FBXL17: variants seen among roughly 807,000 people sequenced by gnomAD.
FBXL17 encodes F-box and leucine rich repeat protein 17.
FBXL17 carries 22 observed loss-of-function variants against 66.2 expected under a neutral mutation model. That is an observed-to-expected ratio of 0.33 (90% CI 0.24 to 0.47). The LOEUF (loss-of-function observed/expected upper bound fraction) is 0.47. Ranked by LOEUF, FBXL17 falls within the 20% of genes least tolerant of loss-of-function variation. The pLI is 1.00. For synonymous variants in FBXL17, 474 were observed against 400.5 expected (o/e 1.18, Z -2.19); for missense variants, 878 against 948.2 (o/e 0.93, Z 0.97).
intron 7 of FBXL17, among the ~76,000 whole-genome samples, chr5:107,963,296 GAC>G (rs2112632442): frequency 6.6e-6 from 1 of 152,152 alleles, no homozygotes; most frequent in South Asian, 2.1e-4. Context: ...TGATGAATAA[GAC>G]AGACATAGTC....
intron 7 of FBXL17, among the ~76,000 whole-genome samples, chr5:108,005,383 G>A (rs1002247177): frequency 1.3e-5 from 2 of 152,066 alleles, no homozygotes; most frequent in South Asian, 2.1e-4. Flanking sequence ...TCAATTTTAG[G>A]AGTATAATAA....
At chr5:108,002,946 G>A (rs1753791894) in intron 7 of FBXL17, among the ~76,000 whole-genome samples, 1 of 152,142 alleles carries the variant, frequency 6.6e-6, no homozygotes, top group Non-Finnish European at 1.5e-5. Context: ...GGATCTTAAT[G>A]GAGTGAAAGA....
In FBXL17 at chr5:107,893,203, A is replaced by G. The variant is rs139172863; in HGVS notation, c.1823-12024T>C. 6.8e-3 allele frequency among the ~76,000 whole-genome samples: 1,032 copies of G among 152,292 alleles called. 15 individuals are homozygous for G. The highest frequency in any genetic ancestry group is 0.022 in the African/African-American group (921 of 41,570). ...AGGGAGGGAAAGGAAAGACATTGAG[A>G]GAAAACAGTTGAGGTGCATAGAATA... On this transcript the variant is annotated intron_variant, in intron 7 of 8. Transcript: ENST00000542267.
intron 4 of FBXL17, among the ~76,000 whole-genome samples, chr5:108,314,669 G>C (rs1323454915): frequency 6.6e-6 from 1 of 151,232 alleles, no homozygotes; most frequent in Non-Finnish European, 1.5e-5. Context: ...AAAAATCAAA[G>C]TGTCTGAAAT....
At chr5:108,081,139 CAA>C (rs901629094) in intron 6 of FBXL17, among the ~76,000 whole-genome samples, 4 of 152,068 alleles carry the variant, frequency 2.6e-5, no homozygotes, top group Non-Finnish European at 5.9e-5. Flanking sequence ...CTTATTGCAA[CAA>C]AGAGTCAGTT....
rs76952106 is a variant in FBXL17 at position 108,299,134 on chromosome 5, T to A, written c.1506+49265A>T. ...AACAGCTTTTTAAATTATTTAAAATTGTTAAAAATCTGTCAAGATTCTATC... is the reference window on the plus strand; with the variant it reads ...AACAGCTTTTTAAATTATTTAAAATAGTTAAAAATCTGTCAAGATTCTATC... On this transcript the variant is annotated intron_variant, in intron 4 of 8. Transcript: ENST00000542267. 28 of 979,034 alleles carry A rather than the reference T, an allele frequency of 2.9e-5. No individual in the cohort carries two copies. In the African/African-American group the frequency reaches 4.5e-4, roughly 16 times the overall value. The allele number at this position is 979,034 out of a possible 1,614,324, so 60.6% of individuals were successfully genotyped here.
chr5:107,930,691 T>C (rs941902330), intron 7 of FBXL17, among the ~76,000 whole-genome samples: 4 of 152,216 alleles, frequency 2.6e-5, no homozygotes, highest in Admixed American at 1.3e-4. Flanking sequence ...GTGAAATGAA[T>C]AGAGGATCTA....
chr5:108,000,767 G>C (rs73778605), intron 7 of FBXL17, among the ~76,000 whole-genome samples: 3,195 of 152,198 alleles, frequency 0.021, 115 homozygotes, highest in African/African-American at 0.073. Flanking sequence ...TAAATGATTG[G>C]TTAAAAGCAT....
intron 7 of FBXL17, among the ~76,000 whole-genome samples, chr5:107,898,547 G>A (rs1172808994): frequency 3.3e-5 from 5 of 151,930 alleles, no homozygotes; most frequent in Non-Finnish European, 7.4e-5. Context: ...AGGTATACAT[G>A]TGCCATGGTG....
intron 6 of FBXL17, among the ~76,000 whole-genome samples, chr5:108,131,382 A>G (rs1431467456): frequency 6.6e-6 from 1 of 152,200 alleles, no homozygotes; most frequent in Admixed American, 6.5e-5. Context: ...ACAAATGAAG[A>G]GACCTCCAGA....
intron 7 of FBXL17, among the ~76,000 whole-genome samples, chr5:107,990,732 T>C (rs2112691508): frequency 6.6e-6 from 1 of 152,298 alleles, no homozygotes; most frequent in African/African-American, 2.4e-5. Flanking sequence ...GTTAGTCTTA[T>C]TTGGCAAACT....
At chr5:108,243,795 T>C (rs909628529) in intron 4 of FBXL17, among the ~76,000 whole-genome samples, 2 of 152,214 alleles carry the variant, frequency 1.3e-5, no homozygotes, top group African/African-American at 2.4e-5. Flanking sequence ...ATTGTGTGGC[T>C]ATATCATGTG....
At chr5:107,874,021 G>GA (rs1351275307) in intron 8 of FBXL17, among the ~76,000 whole-genome samples, 1 of 152,226 alleles carries the variant, frequency 6.6e-6, no homozygotes, top group East Asian at 1.9e-4. Flanking sequence ...TGATTTTCCT[G>GA]AAAAAACAAA....
At chr5:107,869,045 G>A (rs1377153876) in intron 8 of FBXL17, among the ~76,000 whole-genome samples, 1 of 152,172 alleles carries the variant, frequency 6.6e-6, no homozygotes, top group Non-Finnish European at 1.5e-5. Flanking sequence ...TTGCAGGTGG[G>A]AAAAGTAAAG....
chr5:108,293,866 C>G (rs902986604), intron 4 of FBXL17, among the ~76,000 whole-genome samples: 3 of 151,348 alleles, frequency 2.0e-5, no homozygotes, highest in Non-Finnish European at 4.4e-5. Context: ...CGTGGTGAAA[C>G]CCCATCTCTA....
intron 6 of FBXL17, among the ~76,000 whole-genome samples, chr5:108,176,363 T>C (rs1470724345): frequency 1.3e-5 from 2 of 152,200 alleles, no homozygotes; most frequent in African/African-American, 2.4e-5. Flanking sequence ...TTGCAGCATT[T>C]AGAGTAGCAC....
intron 6 of FBXL17, among the ~76,000 whole-genome samples, chr5:108,105,445 T>C (rs1214434885): frequency 6.6e-6 from 1 of 152,222 alleles, no homozygotes; most frequent in East Asian, 1.9e-4. Context: ...TTTGGCCACA[T>C]GCTGTTTTGA....
intron 6 of FBXL17, among the ~76,000 whole-genome samples, chr5:108,175,005 A>C (rs1416396726): frequency 6.6e-6 from 1 of 152,226 alleles, no homozygotes; most frequent in African/African-American, 2.4e-5. Flanking sequence ...CAATGACATT[A>C]AATTTTCACT....
chr5:108,003,049 T>A (rs1489829105), intron 7 of FBXL17, among the ~76,000 whole-genome samples: 1 of 152,226 alleles, frequency 6.6e-6, no homozygotes, highest in Admixed American at 6.5e-5. Context: ...TTTTATAATG[T>A]ATAAAGCTGT....
Sources: allele counts gnomAD v4.1 joint callset (sites outside exome capture counted in the v4.1 genomes callset), GRCh38; gene constraint gnomAD v4.1.1; transcripts MANE v1.5; gene names NCBI Gene and HGNC (gene_info 2026-07-23, HGNC 2026-07-21).